The following ADAMTS20 variants were observed in gnomAD, a reference collection of about 807,000 sequenced individuals.
ADAMTS20 encodes the protein ADAM metallopeptidase with thrombospondin type 1 motif 20, also known as A disintegrin and metalloproteinase with thrombospondin motifs 20.
A neutral mutation model predicts 260.1 loss-of-function variants in ADAMTS20; 225 were observed. That is an observed-to-expected ratio of 0.87 (90% CI 0.78 to 0.97). The LOEUF is 0.97. Among genes scored for constraint, ADAMTS20 ranks in the 50% least tolerant of loss-of-function variants. The probability of loss-of-function intolerance (pLI) is 0.00; values close to 1 mark genes in which losing one functional copy is unlikely to be tolerated. For missense variants in ADAMTS20, 2,400 were observed against 2,337.7 expected, an observed-to-expected ratio of 1.03 and a Z score of -0.55; for synonymous variants, 802 against 769.5, an observed-to-expected ratio of 1.04 and a Z score of -0.70.
chr12:43,488,238 G>A (rs781334045), intron 7 of ADAMTS20, among the ~76,000 whole-genome samples: 2 of 151,942 alleles, frequency 1.3e-5, no homozygotes, highest in Non-Finnish European at 2.9e-5. Flanking sequence ...GTTTAACAGG[G>A]AAAATTTTTG....
intron 38 of ADAMTS20, among the ~76,000 whole-genome samples, chr12:43,354,772 C>T (rs551776573): frequency 6.6e-6 from 1 of 152,124 alleles, no homozygotes; most frequent in East Asian, 1.9e-4. Flanking sequence ...TCAAGCATCT[C>T]GTGGAGGCGT....
chr12:43,361,318 A>T (rs1183888322), intron 37 of ADAMTS20, among the ~76,000 whole-genome samples: 2 of 152,238 alleles, frequency 1.3e-5, no homozygotes, highest in Non-Finnish European at 2.9e-5. Context: ...ATTACAGAAC[A>T]TCTCCAAAAA....
rs577548528 is a variant in ADAMTS20, at chr12:43,520,294, T to C, written c.613+11742A>G. 8.1e-4 allele frequency among the ~76,000 whole-genome samples: 124 copies of C among 152,218 alleles called. 1 individual carries two copies. Among genetic ancestry groups the C allele is most frequent in the African/African-American group, 2.9e-3 (120 of 41,554 alleles). On this transcript the variant is annotated intron_variant, in intron 3 of 38. Transcript: ENST00000389420. ...CGCTTAAGTTAAAGTTTTAACATCATGTATCATTTAAATTTGTAGTTAAAA... is the reference window on the plus strand; with the variant it reads ...CGCTTAAGTTAAAGTTTTAACATCACGTATCATTTAAATTTGTAGTTAAAA...
chr12:43,516,045 G>C (rs890465741), intron 3 of ADAMTS20, among the ~76,000 whole-genome samples: 4 of 146,414 alleles, frequency 2.7e-5, no homozygotes, highest in Non-Finnish European at 6.0e-5. Flanking sequence ...CCACCCCACC[G>C]CCCCACCGCC....
intron 27 of ADAMTS20, 63 bp downstream of exon 27, chr12:43,427,245 C>CT: frequency 3.9e-6 from 6 of 1,545,590 alleles, no homozygotes; most frequent in Non-Finnish European, 4.4e-6. Flanking sequence ...GTATAAGATG[C>CT]TTTTTACTTT....
chr12:43,370,272 T>C (rs1940077723), intron 36 of ADAMTS20, among the ~76,000 whole-genome samples: 1 of 152,170 alleles, frequency 6.6e-6, no homozygotes, highest in African/African-American at 2.4e-5. Context: ...TTGTACCAAA[T>C]AGTGAGAGCC....
intron 28 of ADAMTS20, among the ~76,000 whole-genome samples, chr12:43,406,087 T>C (rs1005004011): frequency 1.1e-4 from 17 of 152,184 alleles, no homozygotes; most frequent in African/African-American, 4.1e-4. Flanking sequence ...AGAAATCATT[T>C]CCATCAAGAT....
rs114960832 is a variant in ADAMTS20 at position 43,356,349 on chromosome 12, G to T, written c.5643+135C>A. On this transcript the variant is annotated intron_variant, in intron 38 of 38. Coordinates refer to ENST00000389420, the MANE Select transcript of ADAMTS20 (RefSeq NM_025003.5). ...AAATTAATGTTGTGCTCCATTATAT[G>T]TAATATACCCATTATATGCAATATC... 856 of 567,840 alleles carry T rather than the reference G, an allele frequency of 1.5e-3. 8 individuals are homozygous for T. The highest frequency in any genetic ancestry group is 0.015 in the African/African-American group (776 of 53,440). 35.2% of individuals were successfully genotyped at this position (567,840 alleles called of 1,614,324 possible). A position where few individuals can be genotyped will look rare whatever the true frequency, so the allele number is the denominator to read the frequency against.
At chr12:43,412,218 C>T (rs1028710594) in intron 28 of ADAMTS20, among the ~76,000 whole-genome samples, 1 of 152,148 alleles carries the variant, frequency 6.6e-6, no homozygotes, top group Non-Finnish European at 1.5e-5. Context: ...ACTTTTTTTA[C>T]ATTACAAAGC....
chr12:43,359,542 C>T lies in ADAMTS20; in HGVS notation c.5539-2954G>A, dbSNP rs547568968. Among the ~76,000 whole-genome samples, 271 of 152,174 alleles carry T rather than the reference C, an allele frequency of 1.8e-3. 3 individuals carry two copies. The highest frequency in any genetic ancestry group is 6.8e-3 in the Middle Eastern group (2 of 292). On this transcript the variant is annotated intron_variant, in intron 37 of 38. Transcript: ENST00000389420. ...TAGAAAGGCTATGGATTTAAATAGT[C>T]GTAATAAGCTTACAAAAGAAGAATG...
At chr12:43,443,943 A>G in intron 15 of ADAMTS20, 60 bp from the exon 16 acceptor site, 1 of 1,344,032 alleles carries the variant, frequency 7.4e-7, no homozygotes, top group Non-Finnish European at 1.1e-6. Flanking sequence ...AGAGGTTATT[A>G]CTGCTGAATG....
intron 37 of ADAMTS20, among the ~76,000 whole-genome samples, chr12:43,362,123 C>A (rs1939882679): frequency 6.6e-6 from 1 of 152,180 alleles, no homozygotes; most frequent in Admixed American, 6.5e-5. Context: ...ACAAAGTTGA[C>A]CAGTCTTGAG....
At chr12:43,373,336 G>A (rs1940145917) in intron 36 of ADAMTS20, among the ~76,000 whole-genome samples, 1 of 152,150 alleles carries the variant, frequency 6.6e-6, no homozygotes, top group South Asian at 2.1e-4. Context: ...GAAACTTAGA[G>A]CGCTAATAAC....
chr12:43,363,693 T>G (rs760577340), intron 37 of ADAMTS20, among the ~76,000 whole-genome samples: 1 of 152,186 alleles, frequency 6.6e-6, no homozygotes, highest in Non-Finnish European at 1.5e-5. Context: ...TTTAGGTACT[T>G]TCTGGAAAAG....
At chr12:43,369,527 G>A (rs1940061406) in intron 36 of ADAMTS20, 146 bp from the exon 37 acceptor site, 2 of 304,514 alleles carry the variant, frequency 6.6e-6, no homozygotes, top group Admixed American at 1.0e-4. Flanking sequence ...CCACAATTCT[G>A]GTATATATCA....
intron 28 of ADAMTS20, among the ~76,000 whole-genome samples, chr12:43,403,468 T>A (rs575629391): frequency 8.1e-4 from 123 of 152,264 alleles, no homozygotes; most frequent in African/African-American, 2.8e-3. Flanking sequence ...ATACAGGTAC[T>A]GGTTAGAATT....
At chr12:43,462,228 AG>A (rs949665209) in intron 11 of ADAMTS20, among the ~76,000 whole-genome samples, 2 of 152,230 alleles carry the variant, frequency 1.3e-5, no homozygotes, top group African/African-American at 4.8e-5. Context: ...TTTTACACTG[AG>A]GGAGCTCAGA....
intron 7 of ADAMTS20, among the ~76,000 whole-genome samples, chr12:43,490,072 T>C (rs902011114): frequency 6.6e-6 from 1 of 151,974 alleles, no homozygotes; most frequent in East Asian, 1.9e-4. Flanking sequence ...CAAGCAATAG[T>C]AGTGGCAAAG....
intron 18 of ADAMTS20, among the ~76,000 whole-genome samples, chr12:43,437,358 G>A (rs932537240): frequency 6.6e-6 from 1 of 152,116 alleles, no homozygotes; most frequent in Non-Finnish European, 1.5e-5. Flanking sequence ...CTAAGAACAT[G>A]ATAAATTTCT....
Sources: gnomAD v4.1 joint callset for allele counts (sites outside exome capture counted in the v4.1 genomes callset) on GRCh38, gnomAD v4.1.1 for gene constraint, MANE v1.5 for transcripts, NCBI Gene and HGNC (gene_info 2026-07-23, HGNC 2026-07-21) for gene names.